The following C12orf42 variants were observed in gnomAD, a reference collection of about 807,000 sequenced individuals.
C12orf42 encodes uncharacterized protein C12orf42.
A neutral mutation model predicts 21.6 loss-of-function variants in C12orf42; 25 were observed. The ratio of observed to expected loss-of-function variants is 1.16; its 90% CI spans 0.84 to 1.62. The LOEUF is 1.62. Among genes scored for constraint, C12orf42 ranks in the 40% most tolerant of loss-of-function variants. C12orf42 has a pLI of 0.00. For synonymous variants in C12orf42, 174 were observed against 175.0 expected (o/e 0.99, Z 0.05); for missense variants, 483 against 459.3 (o/e 1.05, Z -0.47).
intron 3 of C12orf42, among the ~76,000 whole-genome samples, chr12:103,380,585 T>C (rs2046079080): frequency 6.6e-6 from 1 of 152,200 alleles, no homozygotes; most frequent in Non-Finnish European, 1.5e-5. Context: ...TGAGGATGAA[T>C]AAAATCAAGT....
the C12orf42 span, among the ~76,000 whole-genome samples, chr12:103,070,744 G>A: frequency 6.6e-6 from 1 of 152,086 alleles, no homozygotes; most frequent in Non-Finnish European, 1.5e-5. Flanking sequence ...GGTCAAGGAA[G>A]GTAGTGACTT....
chr12:103,315,987 T>TACAC (rs374073412), intron 4 of C12orf42, among the ~76,000 whole-genome samples: 1 of 150,726 alleles, frequency 6.6e-6, no homozygotes, highest in Admixed American at 6.6e-5. Context: ...TATATATATA[T>TACAC]ACACACACAC....
At chr12:103,073,965 A>G in the C12orf42 span, among the ~76,000 whole-genome samples, 1 of 152,138 alleles carries the variant, frequency 6.6e-6, no homozygotes, top group Non-Finnish European at 1.5e-5. Flanking sequence ...CTCATGGCCG[A>G]ATTTGAACCC....
chr12:103,117,603 G>T, the C12orf42 span, among the ~76,000 whole-genome samples: 1 of 152,220 alleles, frequency 6.6e-6, no homozygotes, highest in South Asian at 2.1e-4. Flanking sequence ...TGAGGGAAGT[G>T]TTTTTGCCTG....
At chr12:103,069,214 G>T in the C12orf42 span, among the ~76,000 whole-genome samples, 2 of 149,080 alleles carry the variant, frequency 1.3e-5, no homozygotes, top group Admixed American at 6.7e-5. Flanking sequence ...ATTCCCATTT[G>T]ATTTTTTTTT....
At chr12:103,432,159 A>T (rs1950313525) in intron 2 of C12orf42, among the ~76,000 whole-genome samples, 1 of 152,120 alleles carries the variant, frequency 6.6e-6, no homozygotes, top group African/African-American at 2.4e-5. Context: ...TTCTTCCCTT[A>T]CCAGTCAAGT....
chr12:103,385,215 A>G (rs1196675865), intron 3 of C12orf42, among the ~76,000 whole-genome samples: 1 of 152,214 alleles, frequency 6.6e-6, no homozygotes, highest in Non-Finnish European at 1.5e-5. Context: ...ACTATTGCTG[A>G]AAAAAGAAAT....
chr12:103,251,931 C>T (rs2034326160), intron 10 of C12orf42, among the ~76,000 whole-genome samples: 1 of 152,062 alleles, frequency 6.6e-6, no homozygotes, highest in Non-Finnish European at 1.5e-5. Context: ...TACTTGGGGG[C>T]AGGAGGTATA....
chr12:103,295,428 C>T (rs926197930), intron 4 of C12orf42, among the ~76,000 whole-genome samples: 5 of 150,060 alleles, frequency 3.3e-5, no homozygotes, highest in African/African-American at 1.2e-4. Context: ...TTTTTTTTAA[C>T]ATATAACTTG....
chr12:103,217,171 G>T, the C12orf42 span, among the ~76,000 whole-genome samples: 1 of 152,084 alleles, frequency 6.6e-6, no homozygotes, highest in East Asian at 1.9e-4. Flanking sequence ...GGTTAACATG[G>T]TTATAAAATT....
At chr12:103,068,463 G>A in the C12orf42 span, among the ~76,000 whole-genome samples, 2 of 152,058 alleles carry the variant, frequency 1.3e-5, no homozygotes, top group African/African-American at 2.4e-5. Context: ...ATGGGTTCAG[G>A]TTGACAAGAG....
chr12:103,148,412 T>C, the C12orf42 span, among the ~76,000 whole-genome samples: 2 of 152,160 alleles, frequency 1.3e-5, no homozygotes, highest in Non-Finnish European at 2.9e-5. Flanking sequence ...AAATGCCTAA[T>C]TTATAACCTT....
chr12:103,514,811 GAAC>G, the C12orf42 span, among the ~76,000 whole-genome samples: 3 of 152,140 alleles, frequency 2.0e-5, no homozygotes, highest in South Asian at 2.1e-4. Context: ...GAATTAAAAT[GAAC>G]AACAGAATTC....
At chr12:103,185,841 A>T in the C12orf42 span, among the ~76,000 whole-genome samples, 1 of 152,218 alleles carries the variant, frequency 6.6e-6, no homozygotes, top group African/African-American at 2.4e-5. Context: ...TCCTCAAGCC[A>T]TGTGGAACTG....
At chr12:103,372,910 A>G (rs1432196648) in intron 3 of C12orf42, among the ~76,000 whole-genome samples, 1 of 152,198 alleles carries the variant, frequency 6.6e-6, no homozygotes, top group Non-Finnish European at 1.5e-5. Context: ...GAAATGCAGT[A>G]TTATATTCAA....
At chr12:103,458,969 A>G (rs915638007) in intron 2 of C12orf42, among the ~76,000 whole-genome samples, 2 of 148,174 alleles carry the variant, frequency 1.3e-5, no homozygotes, top group Non-Finnish European at 3.0e-5. Flanking sequence ...AAAAAAACGT[A>G]TTAGGGGAAA....
At chr12:103,357,952 GC>G (rs560271062) in intron 4 of C12orf42, among the ~76,000 whole-genome samples, 9 of 152,022 alleles carry the variant, frequency 5.9e-5, no homozygotes, top group Non-Finnish European at 1.2e-4. Context: ...GGGGTGTTCT[GC>G]TCTGAGTCTG....
intron 2 of C12orf42, among the ~76,000 whole-genome samples, chr12:103,433,039 A>T (rs1950383097): frequency 6.6e-6 from 1 of 152,188 alleles, no homozygotes; most frequent in African/African-American, 2.4e-5. Context: ...GTGAAATATA[A>T]ACTTGCTTTA....
the C12orf42 span, among the ~76,000 whole-genome samples, chr12:103,193,956 A>T: frequency 1.3e-5 from 2 of 151,844 alleles, no homozygotes; most frequent in South Asian, 4.1e-4. Context: ...AATTCAAACC[A>T]CATTAGAAGC....
Sources: gnomAD v4.1 joint callset for allele counts (sites outside exome capture counted in the v4.1 genomes callset) on GRCh38, gnomAD v4.1.1 for gene constraint, MANE v1.5 for transcripts, NCBI Gene and HGNC (gene_info 2026-07-23, HGNC 2026-07-21) for gene names.